Variants in TDRD7 observed in about 807,000 individuals in gnomAD.
TDRD7 encodes the protein tudor domain containing 7.
Under a neutral mutation model 109.8 loss-of-function variants are expected in TDRD7, and 47 were observed. The ratio of observed to expected loss-of-function variants is 0.43; its 90% CI spans 0.34 to 0.55. The LOEUF is 0.55. Ranked by LOEUF, TDRD7 falls within the 20% of genes least tolerant of loss-of-function variation. TDRD7 has a pLI of 0.03. For synonymous variants in TDRD7, 424 were observed against 457.3 expected, an observed-to-expected ratio of 0.93 and a Z score of 0.93; for missense variants, 1,164 against 1,319.2, an observed-to-expected ratio of 0.88 and a Z score of 1.82.
At chr9:97,489,368 A>C (rs1829263925) in intron 16 of TDRD7, among the ~76,000 whole-genome samples, 1 of 152,058 alleles carries the variant, frequency 6.6e-6, no homozygotes, top group South Asian at 2.1e-4. Context: ...GTCGTCTTGG[A>C]GAATTGACCC....
rs374558180 is a variant in TDRD7 at position 97,480,951 on chromosome 9, G to A, written c.2412+13G>A. The A allele has an allele frequency of 2.5e-6, 4 of 1,608,496 alleles. No individual in the cohort carries two copies. Among genetic ancestry groups the A allele is most frequent in the Admixed American group, 3.3e-5 (2 of 59,990 alleles). ...CTGTAGCATTAAGGTTAGCTATCTTGTTGGGCCTGATACATTTAGAAAGGG... is the reference window on the plus strand; with the variant it reads ...CTGTAGCATTAAGGTTAGCTATCTTATTGGGCCTGATACATTTAGAAAGGG... On this transcript the variant is annotated intron_variant, in intron 14 of 16. Coordinates refer to ENST00000355295, the MANE Select transcript of TDRD7 (RefSeq NM_014290.3).
rs147117292 is a variant in TDRD7 at position 97,455,087 on chromosome 9, A to T, written c.856-5091A>T. ...ACTAGAAAATCTAGAAGAAATGAAT[A>T]AATTCCTGGATGCATACACCCTACC... is the stretch of plus-strand genomic sequence containing the variant. On this transcript the variant is annotated intron_variant, in intron 6 of 16. Coordinates refer to ENST00000355295, the MANE Select transcript of TDRD7 (RefSeq NM_014290.3). Among the ~76,000 whole-genome samples the T allele has an allele frequency of 1.5e-3, 223 of 152,294 alleles. 1 individual carries two copies. The highest frequency in any genetic ancestry group is 5.2e-3 in the African/African-American group (218 of 41,556).
At chr9:97,487,430 T>C in intron 16 of TDRD7, 98 bp downstream of exon 16, 1 of 1,554,638 alleles carries the variant, frequency 6.4e-7, no homozygotes. Context: ...CTCTTGAGTT[T>C]AGGTATGTTG....
In TDRD7 at chr9:97,413,801, C is replaced by G. The variant is rs7038879; in HGVS notation, c.-7+1563C>G. 6.5e-3 allele frequency among the ~76,000 whole-genome samples: 996 copies of G among 152,280 alleles called. 16 individuals carry two copies. The highest frequency in any genetic ancestry group is 0.023 in the African/African-American group (955 of 41,540). ...GACTGTGAGGCAGCAGTTGGCAGTG[C>G]CTTCAGATTTCAGTCTCTGTAGATT... On this transcript the variant is annotated intron_variant, in intron 1 of 16. Coordinates refer to ENST00000355295, the MANE Select transcript of TDRD7 (RefSeq NM_014290.3).
At chr9:97,478,978 T>G (rs1018910929) in intron 13 of TDRD7, among the ~76,000 whole-genome samples, 1 of 152,180 alleles carries the variant, frequency 6.6e-6, no homozygotes, top group African/African-American at 2.4e-5. Flanking sequence ...TCTCGGTGAC[T>G]TCCCCACCAT....
At chr9:97,455,850 AG>A (rs2118460139) in intron 6 of TDRD7, among the ~76,000 whole-genome samples, 1 of 152,344 alleles carries the variant, frequency 6.6e-6, no homozygotes, top group Admixed American at 6.5e-5. Context: ...AAAGAAATAA[AG>A]GGTATTCAAA....
At chr9:97,481,192 A>G (rs1176651915) in intron 14 of TDRD7, among the ~76,000 whole-genome samples, 3 of 152,250 alleles carry the variant, frequency 2.0e-5, no homozygotes, top group African/African-American at 7.2e-5. Context: ...TTATTAATGT[A>G]GAAGAGATGG....
At chr9:97,446,767 G>A (rs1828408434) in intron 6 of TDRD7, among the ~76,000 whole-genome samples, 3 of 152,118 alleles carry the variant, frequency 2.0e-5, no homozygotes, top group African/African-American at 7.2e-5. Flanking sequence ...AATTGTATGA[G>A]ATAATAAAGC....
intron 6 of TDRD7, among the ~76,000 whole-genome samples, chr9:97,449,717 C>T (rs547014976): frequency 2.6e-5 from 4 of 152,286 alleles, no homozygotes; most frequent in South Asian, 2.1e-4. Context: ...TGCCTCTTCC[C>T]TCCCGGCATT....
At chr9:97,451,852 T>C (rs777159982) in intron 6 of TDRD7, among the ~76,000 whole-genome samples, 7 of 152,074 alleles carry the variant, frequency 4.6e-5, no homozygotes, top group Non-Finnish European at 1.0e-4. Context: ...CAATGCAGAA[T>C]TAATTGATTG....
intron 4 of TDRD7, among the ~76,000 whole-genome samples, chr9:97,435,365 C>T (rs995588337): frequency 2.6e-5 from 4 of 151,794 alleles, no homozygotes; most frequent in African/African-American, 9.7e-5. Flanking sequence ...CACCATGGCT[C>T]ATGCCTGTAA....
Position 97,458,061 on chromosome 9 carries a change from G to C in TDRD7, c.856-2117G>C, listed in dbSNP as rs112534067. On this transcript the variant is annotated intron_variant, in intron 6 of 16. Transcript: ENST00000355295. Reference sequence around the variant, plus strand: ...GTGGATAGGTGTAGCAAACCACTATGGCACATGTATACCTATGTAACAAAC... The same window carrying C: ...GTGGATAGGTGTAGCAAACCACTATCGCACATGTATACCTATGTAACAAAC... Among the ~76,000 whole-genome samples the C allele has an allele frequency of 8.3e-3, 1,257 of 152,162 alleles. 44 individuals are homozygous for C. In the East Asian group the frequency reaches 0.11, roughly 13 times the overall value.
At chr9:97,483,467 G>C in intron 15 of TDRD7, 116 bp downstream of exon 15, 1 of 1,238,458 alleles carries the variant, frequency 8.1e-7, no homozygotes, top group Non-Finnish European at 1.1e-6. Flanking sequence ...TTTTGAATGT[G>C]AAACAAACAC....
At chr9:97,413,099 C>T (rs1183776885) in intron 1 of TDRD7, among the ~76,000 whole-genome samples, 1 of 152,196 alleles carries the variant, frequency 6.6e-6, no homozygotes, top group South Asian at 2.1e-4. Flanking sequence ...AACCAAAAAA[C>T]CACAGATCTA....
intron 6 of TDRD7, among the ~76,000 whole-genome samples, chr9:97,449,115 T>C (rs1290580444): frequency 2.6e-5 from 4 of 152,338 alleles, no homozygotes; most frequent in Non-Finnish European, 5.9e-5. Flanking sequence ...AACAGACTCC[T>C]GAAGAAATTC....
At chr9:97,418,487 A>G (rs1364179207) in intron 1 of TDRD7, among the ~76,000 whole-genome samples, 1 of 152,146 alleles carries the variant, frequency 6.6e-6, no homozygotes, top group African/African-American at 2.4e-5. Context: ...TCTGGCCGTT[A>G]AACAGGTCAT....
At chr9:97,448,631 T>G (rs1252679495) in intron 6 of TDRD7, among the ~76,000 whole-genome samples, 1 of 152,202 alleles carries the variant, frequency 6.6e-6, no homozygotes. Context: ...TGCTTTTTCT[T>G]TGTTGTTTTT....
chr9:97,469,490 G>A (rs1051979219), intron 8 of TDRD7, among the ~76,000 whole-genome samples: 7 of 152,112 alleles, frequency 4.6e-5, no homozygotes, highest in African/African-American at 1.7e-4. Context: ...TTTTTGTTTC[G>A]TGTGTTTAGT....
At chr9:97,483,924 A>G (rs933388466) in intron 15 of TDRD7, among the ~76,000 whole-genome samples, 21 of 152,314 alleles carry the variant, frequency 1.4e-4, no homozygotes, top group South Asian at 6.2e-4. Flanking sequence ...CATGATATAC[A>G]GAATTCCTTT....
Sources: gnomAD v4.1 joint callset for allele counts (sites outside exome capture counted in the v4.1 genomes callset) on GRCh38, gnomAD v4.1.1 for gene constraint, MANE v1.5 for transcripts, NCBI Gene and HGNC (gene_info 2026-07-23, HGNC 2026-07-21) for gene names.